The following SUGCT variants were observed in gnomAD, a reference collection of about 807,000 sequenced individuals.
The protein encoded by SUGCT is succinyl-CoA:glutarate CoA-transferase.
A neutral mutation model predicts 55.0 loss-of-function variants in SUGCT; 41 were observed. That is an observed-to-expected ratio of 0.74 (90% CI 0.58 to 0.97). The LOEUF (loss-of-function observed/expected upper bound fraction) is 0.97. SUGCT is among the 50% of genes least tolerant of loss of function. The pLI is 0.00. For synonymous variants in SUGCT, 187 were observed against 200.4 expected, an observed-to-expected ratio of 0.93 and a Z score of 0.56; for missense variants, 568 against 547.8, an observed-to-expected ratio of 1.04 and a Z score of -0.37.
rs1169073353 is a variant in SUGCT, at chr7:40,308,983, G to T, written c.721-7777G>T. 2.0e-5 allele frequency among the ~76,000 whole-genome samples: 3 copies of T among 152,192 alleles called. No individual in the cohort carries two copies. The South Asian group carries it at 6.2e-4, about 32-fold the overall frequency. On this transcript the variant is annotated intron_variant, in intron 8 of 13. Transcript: ENST00000335693. ...GATTGTGCCACTGCACTGCAGCCTG[G>T]GCAACAGAGTTAGACTCTGTCTCAA...
chr7:40,135,577 C>T (rs1787638275), intron 1 of SUGCT, among the ~76,000 whole-genome samples: 1 of 152,276 alleles, frequency 6.6e-6, no homozygotes, highest in African/African-American at 2.4e-5. Flanking sequence ...TTTAGCTTTA[C>T]TACAGTGTTA....
At chr7:40,510,687 G>T (rs980606657) in intron 12 of SUGCT, among the ~76,000 whole-genome samples, 2 of 152,012 alleles carry the variant, frequency 1.3e-5, no homozygotes, top group African/African-American at 4.8e-5. Flanking sequence ...GACCATTTTT[G>T]TTACAAAATT....
chr7:40,355,539 T>G (rs1797846389), intron 9 of SUGCT, among the ~76,000 whole-genome samples: 2 of 152,146 alleles, frequency 1.3e-5, no homozygotes, highest in Admixed American at 1.3e-4. Flanking sequence ...AGTCAAGAAT[T>G]TAGGCTTTGC....
chr7:40,525,593 T>C (rs1244837503), intron 12 of SUGCT, among the ~76,000 whole-genome samples: 1 of 152,028 alleles, frequency 6.6e-6, no homozygotes, highest in Non-Finnish European at 1.5e-5. Flanking sequence ...TAGAAGAATC[T>C]GAACATAATA....
intron 9 of SUGCT, among the ~76,000 whole-genome samples, chr7:40,382,168 G>A (rs1784908174): frequency 6.6e-6 from 1 of 152,032 alleles, no homozygotes; most frequent in Non-Finnish European, 1.5e-5. Flanking sequence ...ATGTCCCTGT[G>A]TAGCCTCTTT....
intron 1 of SUGCT, among the ~76,000 whole-genome samples, chr7:40,170,143 C>T (rs1784603466): frequency 6.6e-6 from 1 of 152,164 alleles, no homozygotes; most frequent in Non-Finnish European, 1.5e-5. Flanking sequence ...TGAGGGTCTA[C>T]AGTGGGAACT....
At chr7:40,812,189 T>C (rs944969268) in intron 13 of SUGCT, among the ~76,000 whole-genome samples, 1 of 151,866 alleles carries the variant, frequency 6.6e-6, no homozygotes, top group African/African-American at 2.4e-5. Flanking sequence ...TGGCCTGTGG[T>C]TTCATTTTTT....
At chr7:40,879,476 C>CA in the SUGCT span, among the ~76,000 whole-genome samples, 1 of 152,160 alleles carries the variant, frequency 6.6e-6, no homozygotes, top group Admixed American at 6.5e-5. Flanking sequence ...TCATACCTAA[C>CA]AAAATCAACA....
chr7:40,417,173 C>A (rs1418007547), intron 9 of SUGCT, among the ~76,000 whole-genome samples: 1 of 151,808 alleles, frequency 6.6e-6, no homozygotes, highest in African/African-American at 2.4e-5. Context: ...TTTATTCATC[C>A]TGGCAGCGTG....
intron 7 of SUGCT, among the ~76,000 whole-genome samples, chr7:40,261,206 GTTA>G (rs1033588556): frequency 3.3e-5 from 5 of 152,138 alleles, no homozygotes; most frequent in African/African-American, 1.2e-4. Flanking sequence ...ATGTAGAGCA[GTTA>G]TTGTTATTAT....
At chr7:40,576,450 TAA>T (rs1796765969) in intron 12 of SUGCT, among the ~76,000 whole-genome samples, 1 of 152,204 alleles carries the variant, frequency 6.6e-6, no homozygotes, top group South Asian at 2.1e-4. Context: ...ACCAAAAGGA[TAA>T]AAAGTCTCTC....
At chr7:41,036,520 C>A in the SUGCT span, among the ~76,000 whole-genome samples, 1 of 152,110 alleles carries the variant, frequency 6.6e-6, no homozygotes, top group Non-Finnish European at 1.5e-5. Flanking sequence ...CTCCTCTCTT[C>A]CGATTTCTGT....
intron 11 of SUGCT, among the ~76,000 whole-genome samples, chr7:40,488,898 T>A (rs1226961653): frequency 6.6e-6 from 1 of 152,220 alleles, no homozygotes; most frequent in African/African-American, 2.4e-5. Context: ...GTATCCTCTC[T>A]ATGGTTTTGA....
chr7:40,798,813 T>C (rs1054093917), intron 13 of SUGCT, among the ~76,000 whole-genome samples: 8 of 152,204 alleles, frequency 5.3e-5, no homozygotes, highest in African/African-American at 1.9e-4. Context: ...ACTAAAATAA[T>C]AGCTGACTTA....
At chr7:40,286,968 T>A (rs186857111) in intron 8 of SUGCT, among the ~76,000 whole-genome samples, 275 of 152,294 alleles carry the variant, frequency 1.8e-3, no homozygotes, top group Non-Finnish European at 2.9e-3. Context: ...TTAATCTTTC[T>A]GTCACTTGGA....
intron 10 of SUGCT, among the ~76,000 whole-genome samples, chr7:40,453,708 C>T (rs1278605922): frequency 6.6e-6 from 1 of 152,144 alleles, no homozygotes; most frequent in Non-Finnish European, 1.5e-5. Context: ...TAAAAATTCT[C>T]CTTAGAATTT....
chr7:40,429,348 C>A (rs1429130106), intron 9 of SUGCT, among the ~76,000 whole-genome samples: 1 of 152,098 alleles, frequency 6.6e-6, no homozygotes, highest in Non-Finnish European at 1.5e-5. Context: ...AGGGACATAA[C>A]TAATAGGATA....
At chr7:40,737,746 G>A (rs1193722951) in intron 12 of SUGCT, among the ~76,000 whole-genome samples, 1 of 151,928 alleles carries the variant, frequency 6.6e-6, no homozygotes. Flanking sequence ...GACTTCTGGA[G>A]GAAAAAAAAT....
At chr7:40,678,916 C>CAAAT (rs1288668145) in intron 12 of SUGCT, among the ~76,000 whole-genome samples, 2 of 152,146 alleles carry the variant, frequency 1.3e-5, no homozygotes, top group South Asian at 2.1e-4. Flanking sequence ...AAACCCGTGG[C>CAAAT]AAATAAATAA....
Sources: allele counts gnomAD v4.1 joint callset (sites outside exome capture counted in the v4.1 genomes callset), GRCh38; gene constraint gnomAD v4.1.1; transcripts MANE v1.5; gene names NCBI Gene and HGNC (gene_info 2026-07-23, HGNC 2026-07-21).